The following FAR1 variants were observed in gnomAD, a reference collection of about 807,000 sequenced individuals.
The protein encoded by FAR1 is fatty acyl-CoA reductase 1.
Under a neutral mutation model 61.1 loss-of-function variants are expected in FAR1, and 22 were observed. The ratio of observed to expected loss-of-function variants is 0.36; its 90% CI spans 0.26 to 0.51. The LOEUF is 0.51. FAR1 is among the 20% of genes least tolerant of loss of function. FAR1 has a pLI of 0.95. For missense variants in FAR1, 359 were observed against 626.9 expected, an observed-to-expected ratio of 0.57 and a Z score of 4.56; for synonymous variants, 206 against 209.7, an observed-to-expected ratio of 0.98 and a Z score of 0.15.
intron 1 of FAR1, among the ~76,000 whole-genome samples, chr11:13,687,979 T>G: frequency 6.7e-6 from 1 of 149,976 alleles, no homozygotes; most frequent in Admixed American, 6.6e-5. Flanking sequence ...GGGATAGCAT[T>G]AGGAGATATA....
Position 13,721,757 on chromosome 11 carries a change from C to G in FAR1, c.1155C>G (p.His385Gln), listed in dbSNP as rs768821829. The G allele has an allele frequency of 6.2e-7, 1 of 1,610,764 alleles. No homozygotes were observed. The highest frequency in any genetic ancestry group is 8.5e-7 in the Non-Finnish European group (1 of 1,178,506). ...TGATGAAAACAATAACTCGTCTTCA[C>G]AAAGCTATGGTGTTTCTTGAATATT... ...PRMMKTITRLHKAMVFLEYFT... is the reference protein window; with the variant it reads ...PRMMKTITRLQKAMVFLEYFT... The change falls in exon 10 of 12, where the codon CAC (histidine) becomes CAG (glutamine). Residue 385 changes from histidine to glutamine, a missense_variant. Physicochemically the swap from His to Gln is conservative, Grantham distance 24. Coordinates refer to ENST00000354817, the MANE Select transcript of FAR1 (RefSeq NM_032228.6). The surrounding 1 kb of genome is among the most constrained non-coding windows in gnomAD (Gnocchi z 4.2).
At chr11:13,712,079 T>C (rs1848505407) in intron 7 of FAR1, 33 bp downstream of exon 7, 1 of 1,383,710 alleles carries the variant, frequency 7.2e-7, no homozygotes, top group South Asian at 1.2e-5. Context: ...TTATTAAATA[T>C]ATAGTAACTG....
chr11:13,698,385 C>T (rs562526486), intron 2 of FAR1, among the ~76,000 whole-genome samples: 50 of 152,286 alleles, frequency 3.3e-4, no homozygotes, highest in African/African-American at 1.2e-3. Context: ...TGACTACATC[C>T]TGAATGTTAC....
At chr11:13,712,203 C>A (rs1848506777) in intron 7 of FAR1, 157 bp downstream of exon 7, 1 of 569,788 alleles carries the variant, frequency 1.8e-6, no homozygotes, top group African/African-American at 1.9e-5. Context: ...TTATCACAGA[C>A]AATAGCAAGT....
At chr11:13,711,114 A>G (rs186951895) in intron 5 of FAR1, 84 of 456,084 alleles carry the variant, frequency 1.8e-4, no homozygotes, top group African/African-American at 1.4e-3. Flanking sequence ...AAAAGCTGTG[A>G]CATTTTCTTA....
intron 1 of FAR1, among the ~76,000 whole-genome samples, chr11:13,673,195 C>T (rs189887728): frequency 1.2e-3 from 182 of 152,326 alleles, no homozygotes; most frequent in African/African-American, 4.3e-3. Context: ...GCCCTAGGAT[C>T]AGTACAGACT....
rs1202249083 is a variant in FAR1 at position 13,721,187 on chromosome 11, T to C, written c.1128-543T>C. The C allele has an allele frequency of 1.3e-5, 2 of 152,310 alleles. No individual in the cohort carries two copies. The highest frequency in any genetic ancestry group is 4.8e-5 in the African/African-American group (2 of 41,452). 9.4% of individuals were successfully genotyped at this position (152,310 alleles called of 1,614,324 possible). On this transcript the variant is annotated intron_variant, in intron 9 of 11. Coordinates refer to ENST00000354817, the MANE Select transcript of FAR1 (RefSeq NM_032228.6). The surrounding 1 kb of genome is among the most constrained non-coding windows in gnomAD (Gnocchi z 4.2). Reference sequence around the variant, plus strand: ...TGATCAAGAGTGGTGCCAATCATTGTTAAAGAAAAGTTGTTTTGTTTTTTT... The same window carrying C: ...TGATCAAGAGTGGTGCCAATCATTGCTAAAGAAAAGTTGTTTTGTTTTTTT...
chr11:13,730,198 A>G lies in FAR1; in HGVS notation c.*1424A>G, dbSNP rs1344919906. The G allele has an allele frequency of 6.6e-6, 1 of 152,178 alleles. No homozygotes were observed. Among genetic ancestry groups the G allele is most frequent in the Non-Finnish European group, 1.5e-5 (1 of 67,806 alleles). 9.4% of individuals were successfully genotyped at this position (152,178 alleles called of 1,614,324 possible). On this transcript the variant is annotated 3_prime_UTR_variant, in exon 12 of 12. Transcript: ENST00000354817. ...ATGTTTAAAGAGAACAGTTCGCAAT[A>G]CAAAAAGTTACATGGAGCTTTACAT...
chr11:13,701,013 A>C (rs1190711717), intron 3 of FAR1, among the ~76,000 whole-genome samples: 1 of 152,102 alleles, frequency 6.6e-6, no homozygotes, highest in African/African-American at 2.4e-5. Flanking sequence ...GACTTCTTTC[A>C]AGATTCCTGT....
chr11:13,681,737 T>C (rs1371178051), intron 1 of FAR1, among the ~76,000 whole-genome samples: 1 of 152,218 alleles, frequency 6.6e-6, no homozygotes. Context: ...AGCTGAGCCC[T>C]TTACAAATTC....
At chr11:13,702,058 G>A (rs1258477540) in intron 3 of FAR1, among the ~76,000 whole-genome samples, 1 of 152,060 alleles carries the variant, frequency 6.6e-6, no homozygotes, top group Admixed American at 6.5e-5. Flanking sequence ...ACTGTCCATG[G>A]CAGGAAATCT....
chr11:13,725,570 A>G (rs183385856), intron 10 of FAR1, among the ~76,000 whole-genome samples: 29 of 152,296 alleles, frequency 1.9e-4, no homozygotes, highest in African/African-American at 7.0e-4. Context: ...CTAAAGTTAG[A>G]CTGGGATATT....
intron 4 of FAR1, among the ~76,000 whole-genome samples, chr11:13,708,477 AT>A (rs1848463830): frequency 8.5e-6 from 1 of 118,284 alleles, no homozygotes. Context: ...ACACACACAC[AT>A]ACATTTATCT....
rs574160039 is a variant in FAR1 at position 13,686,968 on chromosome 11, T to C, written c.-7-7791T>C. 4.6e-5 allele frequency among the ~76,000 whole-genome samples: 7 copies of C among 152,320 alleles called. No homozygotes were observed. In the East Asian group the frequency reaches 1.2e-3, roughly 25 times the overall value. ...TGAGACCTGCGTGTTCTTTTGCAAA[T>C]GAGGAAACAGGTTCAGAGTAGTAGC... is the stretch of plus-strand genomic sequence containing the variant. On this transcript the variant is annotated intron_variant, in intron 1 of 11. Coordinates refer to ENST00000354817, the MANE Select transcript of FAR1 (RefSeq NM_032228.6).
intron 9 of FAR1, among the ~76,000 whole-genome samples, chr11:13,715,061 A>G (rs1848540356): frequency 6.6e-6 from 1 of 152,188 alleles, no homozygotes; most frequent in African/African-American, 2.4e-5. Context: ...CCAACAGCCT[A>G]TCGCATCATT....
chr11:13,716,246 C>T (rs547675872), intron 9 of FAR1, among the ~76,000 whole-genome samples: 4 of 151,480 alleles, frequency 2.6e-5, no homozygotes, highest in East Asian at 1.9e-4. Flanking sequence ...TTGCCTTACA[C>T]GAAGAAAGAG....
intron 1 of FAR1, chr11:13,685,473 A>C (rs576846122): frequency 4.6e-6 from 1 of 215,912 alleles, no homozygotes; most frequent in South Asian, 7.9e-5. Flanking sequence ...TAGCATAAGT[A>C]TGTGTGCCAT....
chr11:13,707,888 CT>C lies in FAR1; in HGVS notation c.366-7del, dbSNP rs751785413. 1.6e-5 allele frequency: 24 copies of C among 1,472,490 alleles called. No homozygotes were observed. In the African/African-American group the frequency reaches 3.5e-4, roughly 21 times the overall value. The allele number at this position is 1,472,490 out of a possible 1,614,324, so 91.2% of individuals were successfully genotyped here. On this transcript the variant is annotated splice_polypyrimidine_tract_variant and intron_variant, in intron 3 of 11. Transcript: ENST00000354817. ...TCCCAATTTTCTATTGTCACTTTTT[CT>C]TTTTAAACAGAGATGCTGTTCAGTT...
rs1395017012 is a variant in FAR1 at position 13,723,093 on chromosome 11, A to G, written c.1257+1234A>G. On this transcript the variant is annotated intron_variant, in intron 10 of 11. Transcript: ENST00000354817. ...ACGTTAAAGAACTTTTTTGCTGGTC[A>G]TAGTAGCTCATGCCTGTATCCCAAT... Among the ~76,000 whole-genome samples, 3 of 151,956 alleles carry G rather than the reference A, an allele frequency of 2.0e-5. No individual in the cohort carries two copies. The East Asian group carries it at 5.8e-4, about 29-fold the overall frequency.
Sources: gnomAD v4.1 joint callset for allele counts (sites outside exome capture counted in the v4.1 genomes callset) on GRCh38, gnomAD v4.1.1 for gene constraint, Gnocchi (gnomAD v3.1) non-coding constraint, MANE v1.5 for transcripts, NCBI Gene and HGNC (gene_info 2026-07-23, HGNC 2026-07-21) for gene names.